Variants in MYLK observed in about 807,000 individuals in gnomAD.
MYLK encodes the protein myosin light chain kinase, smooth muscle.
Under a neutral mutation model 203.4 loss-of-function variants are expected in MYLK, and 106 were observed. The ratio of observed to expected loss-of-function variants is 0.52; its 90% confidence interval spans 0.45 to 0.61. The LOEUF (loss-of-function observed/expected upper bound fraction) is 0.61. Among genes scored for constraint, MYLK ranks in the 20% least tolerant of loss-of-function variants. The probability of loss-of-function intolerance (pLI) is 0.00; values close to 1 mark genes in which losing one functional copy is unlikely to be tolerated. For synonymous variants in MYLK, 867 were observed against 959.5 expected (o/e 0.90, Z 1.78); for missense variants, 2,072 against 2,442.3 (o/e 0.85, Z 3.20).
intron 5 of MYLK, among the ~76,000 whole-genome samples, chr3:123,744,382 C>T (rs2062952429): frequency 6.6e-6 from 1 of 152,012 alleles, no homozygotes; most frequent in Admixed American, 6.5e-5. Context: ...ACAAGTAGCA[C>T]AGCAAAGTGA....
chr3:123,883,996 T>C (rs1319357039), intron 1 of MYLK, among the ~76,000 whole-genome samples: 1 of 152,018 alleles, frequency 6.6e-6, no homozygotes, highest in African/African-American at 2.4e-5. Context: ...AAGCACTTCA[T>C]CTCCCCAAAA....
chr3:123,695,268 C>T (rs1443529360), intron 18 of MYLK, among the ~76,000 whole-genome samples: 3 of 152,230 alleles, frequency 2.0e-5, no homozygotes, highest in East Asian at 1.9e-4. Flanking sequence ...CAGGCCTAGG[C>T]GGACCTCTTC....
intron 3 of MYLK, among the ~76,000 whole-genome samples, chr3:123,815,036 A>AATCTG (rs2065700995): frequency 6.6e-6 from 1 of 152,042 alleles, no homozygotes; most frequent in Non-Finnish European, 1.5e-5. Context: ...CAGGTGATTC[A>AATCTG]CCCACCTTGG....
rs114613936 is a variant in MYLK at position 123,730,518 on chromosome 3, G to A, written c.1516+2378C>T. Reference sequence around the variant, plus strand: ...CAACCACATGGACCTTAAGTGATGCGTGGATAAACAAAACACTGTATGCTA... The same window carrying A: ...CAACCACATGGACCTTAAGTGATGCATGGATAAACAAAACACTGTATGCTA... On this transcript the variant is annotated intron_variant, in intron 11 of 33. Transcript: ENST00000360304. Among the ~76,000 whole-genome samples the A allele has an allele frequency of 6.9e-3, 1,052 of 152,268 alleles. 7 individuals carry two copies. The highest frequency in any genetic ancestry group is 0.012 in the Non-Finnish European group (786 of 68,016).
chr3:123,815,213 T>C (rs2065708270), intron 3 of MYLK, among the ~76,000 whole-genome samples: 1 of 152,184 alleles, frequency 6.6e-6, no homozygotes. Context: ...TTGATTCCTG[T>C]CAACTTGCCT....
At chr3:123,773,650 G>A (rs570501567) in intron 4 of MYLK, among the ~76,000 whole-genome samples, 6 of 152,318 alleles carry the variant, frequency 3.9e-5, no homozygotes, top group South Asian at 4.1e-4. Context: ...GCAGCCTTCC[G>A]ATAGAAAAGC....
chr3:123,694,795 T>C (rs1031045984), intron 18 of MYLK, among the ~76,000 whole-genome samples: 1 of 152,228 alleles, frequency 6.6e-6, no homozygotes, highest in African/African-American at 2.4e-5. Flanking sequence ...CCCCTGGCCA[T>C]GTGCATGGGC....
At chr3:123,614,413 G>T in intron 33 of MYLK, 64 bp from the exon 34 acceptor site, 1 of 1,602,190 alleles carries the variant, frequency 6.2e-7, no homozygotes, top group Non-Finnish European at 8.5e-7. Flanking sequence ...ATCAACTCAT[G>T]CAAGCAACTT....
intron 2 of MYLK, among the ~76,000 whole-genome samples, chr3:123,834,793 A>G (rs1470029279): frequency 6.6e-6 from 1 of 152,182 alleles, no homozygotes; most frequent in East Asian, 1.9e-4. Flanking sequence ...GCTCTAAAAT[A>G]CCAATTAAGT....
chr3:123,667,032 G>T, intron 21 of MYLK, 105 bp downstream of exon 21: 1 of 1,039,880 alleles, frequency 9.6e-7, no homozygotes, highest in South Asian at 1.3e-5. Context: ...GTTGCAGTGG[G>T]GTGTCTCCTG....
chr3:123,839,907 C>A (rs2066552380), intron 2 of MYLK, among the ~76,000 whole-genome samples: 1 of 152,060 alleles, frequency 6.6e-6, no homozygotes, highest in Admixed American at 6.5e-5. Context: ...CTAACAAATT[C>A]CTAAAATGCT....
intron 2 of MYLK, among the ~76,000 whole-genome samples, chr3:123,844,047 C>A (rs2066653933): frequency 6.6e-6 from 1 of 152,168 alleles, no homozygotes. Flanking sequence ...GCTCTGTGTT[C>A]AGCCAACAAC....
At position 123,618,804 on chromosome 3, in the gene MYLK, T is replaced by G. The variant is rs557656435; in HGVS notation, c.5369-34A>C. The G allele has an allele frequency of 1.7e-5, 28 of 1,613,458 alleles. No homozygotes were observed. In the South Asian group the frequency reaches 2.7e-4, roughly 16 times the overall value. ...CAGAGAAGAAGACCAGGTCATTTCTTCACTCGTTGTTCTCGCCTCGCCTCT... is the reference window on the plus strand; with the variant it reads ...CAGAGAAGAAGACCAGGTCATTTCTGCACTCGTTGTTCTCGCCTCGCCTCT... On this transcript the variant is annotated intron_variant, in intron 32 of 33. Transcript: ENST00000360304.
chr3:123,734,242 G>A lies in MYLK; in HGVS notation c.774-20C>T. 1 of 1,447,796 alleles carries A rather than the reference G, an allele frequency of 6.9e-7. No individual in the cohort carries two copies. The highest frequency in any genetic ancestry group is 9.1e-7 in the Non-Finnish European group (1 of 1,095,932). 89.7% of individuals were successfully genotyped at this position (1,447,796 alleles called of 1,614,324 possible). On this transcript the variant is annotated intron_variant, in intron 9 of 33. Transcript: ENST00000360304. ...AATGACCTGTGTGGTGGTGAGGGTG[G>A]GGGTAGGGTGGGTGAGGAGAGGGGA...
At chr3:123,703,107 A>G (rs1236639171) in intron 16 of MYLK, among the ~76,000 whole-genome samples, 1 of 152,190 alleles carries the variant, frequency 6.6e-6, no homozygotes, top group Admixed American at 6.5e-5. Context: ...CCACCTGGAC[A>G]GGCATCTGAG....
At chr3:123,681,832 G>A in intron 20 of MYLK, 1 of 298,396 alleles carries the variant, frequency 3.4e-6, no homozygotes, top group Non-Finnish European at 6.6e-6. Flanking sequence ...TCAACCAGGA[G>A]TGATGAGATC....
intron 3 of MYLK, among the ~76,000 whole-genome samples, chr3:123,818,766 C>A (rs1254350687): frequency 6.6e-6 from 1 of 152,146 alleles, no homozygotes; most frequent in Admixed American, 6.5e-5. Flanking sequence ...GTTCTGTCAC[C>A]CACTGTGCCT....
intron 29 of MYLK, among the ~76,000 whole-genome samples, chr3:123,633,475 G>A (rs1005376221): frequency 3.3e-5 from 5 of 152,210 alleles, no homozygotes; most frequent in Non-Finnish European, 5.9e-5. Context: ...AACAAATAAT[G>A]TTAGCATTAA....
chr3:123,682,529 T>A (rs2060305466), intron 19 of MYLK, among the ~76,000 whole-genome samples: 1 of 152,190 alleles, frequency 6.6e-6, no homozygotes, highest in African/African-American at 2.4e-5. Flanking sequence ...ATTAATCCAG[T>A]GGGGACAGCA....
Sources: gnomAD v4.1 joint callset for allele counts (sites outside exome capture counted in the v4.1 genomes callset) on GRCh38, gnomAD v4.1.1 for gene constraint, MANE v1.5 for transcripts, NCBI Gene and HGNC (gene_info 2026-07-23, HGNC 2026-07-21) for gene names.